ZDHHC17: variants seen among roughly 807,000 people sequenced by gnomAD.
ZDHHC17 encodes palmitoyltransferase ZDHHC17.
Under a neutral mutation model 90.3 loss-of-function variants are expected in ZDHHC17, and 40 were observed. The ratio of observed to expected loss-of-function variants is 0.44; its 90% CI spans 0.34 to 0.58. ZDHHC17 has a LOEUF of 0.58. Among genes scored for constraint, ZDHHC17 ranks in the 20% least tolerant of loss-of-function variants. ZDHHC17 has a pLI of 0.01. For missense variants in ZDHHC17, 614 were observed against 780.8 expected, an observed-to-expected ratio of 0.79 and a Z score of 2.55; for synonymous variants, 235 against 252.4, an observed-to-expected ratio of 0.93 and a Z score of 0.65.
intron 1 of ZDHHC17, among the ~76,000 whole-genome samples, chr12:76,796,974 T>G (rs1239400264): frequency 6.6e-6 from 1 of 151,938 alleles, no homozygotes; most frequent in Non-Finnish European, 1.5e-5. Context: ...CCCTAAAGAG[T>G]GTAGACTTGG....
At chr12:76,809,424 C>A (rs1041790512) in intron 4 of ZDHHC17, among the ~76,000 whole-genome samples, 1 of 151,892 alleles carries the variant, frequency 6.6e-6, no homozygotes, top group African/African-American at 2.4e-5. Flanking sequence ...TAGCTCATTT[C>A]TTGGGATGAT....
intron 8 of ZDHHC17, 65 bp from the exon 9 acceptor site, chr12:76,826,841 AAC>A (rs774889151): frequency 1.2e-5 from 18 of 1,440,816 alleles, no homozygotes; most frequent in Non-Finnish European, 1.5e-5. Context: ...TCACAAAGGT[AAC>A]AATGATTCAG....
At chr12:76,813,223 G>T in intron 5 of ZDHHC17, 1 of 300,404 alleles carries the variant, frequency 3.3e-6, no homozygotes, top group Non-Finnish European at 6.5e-6. Flanking sequence ...ACGGAAATTA[G>T]GAGTAAAAGA....
At chr12:76,801,274 G>T (rs1454377593) in intron 2 of ZDHHC17, among the ~76,000 whole-genome samples, 3 of 149,438 alleles carry the variant, frequency 2.0e-5, no homozygotes, top group Non-Finnish European at 3.0e-5. Flanking sequence ...TTCAATTTTT[G>T]TAGTGAAATG....
intron 3 of ZDHHC17, among the ~76,000 whole-genome samples, chr12:76,807,768 G>C (rs1952972180): frequency 1.3e-5 from 2 of 152,106 alleles, no homozygotes; most frequent in Non-Finnish European, 2.9e-5. Flanking sequence ...AGGAACAGTT[G>C]ACTATAGAGA....
At chr12:76,849,271 C>A in intron 15 of ZDHHC17, 105 bp from the exon 16 acceptor site, 2 of 567,036 alleles carry the variant, frequency 3.5e-6, no homozygotes, top group Non-Finnish European at 2.9e-6. Flanking sequence ...CAAGAGGGAG[C>A]TGAGAATTCG....
chr12:76,815,699 A>G (rs957318060), intron 6 of ZDHHC17, among the ~76,000 whole-genome samples, 158 bp from the exon 7 acceptor site: 1 of 151,910 alleles, frequency 6.6e-6, no homozygotes, highest in Non-Finnish European at 1.5e-5. Flanking sequence ...TCATATTAGA[A>G]TATTGTCTCA....
At chr12:76,846,519 A>G (rs1953496917) in intron 13 of ZDHHC17, 77 bp from the exon 14 acceptor site, 4 of 1,055,784 alleles carry the variant, frequency 3.8e-6, no homozygotes, top group Non-Finnish European at 5.7e-6. Context: ...CACACCTTTC[A>G]TGGCATACCC....
chr12:76,797,347 AAC>A, intron 1 of ZDHHC17, 85 bp from the exon 2 acceptor site: 2 of 815,940 alleles, frequency 2.5e-6, no homozygotes, highest in Non-Finnish European at 3.6e-6. Context: ...TTTCTCAAAC[AAC>A]ACAAAAGCAC....
intron 1 of ZDHHC17, among the ~76,000 whole-genome samples, chr12:76,797,058 A>T (rs971246401): frequency 4.0e-5 from 6 of 151,892 alleles, no homozygotes; most frequent in Non-Finnish European, 7.4e-5. Flanking sequence ...AGGTCAGGAG[A>T]TGGAGACCAT....
chr12:76,772,423 G>A (rs1292314889), intron 1 of ZDHHC17, among the ~76,000 whole-genome samples: 2 of 151,904 alleles, frequency 1.3e-5, no homozygotes, highest in Non-Finnish European at 2.9e-5. Context: ...CACTAGCGTG[G>A]TACACTTGTT....
intron 10 of ZDHHC17, 86 bp from the exon 11 acceptor site, chr12:76,841,896 G>A (rs1953439911): frequency 1.8e-6 from 2 of 1,089,186 alleles, no homozygotes; most frequent in Admixed American, 8.3e-5. Context: ...ACTGGTAGGT[G>A]TTTTGTAAAA....
intron 10 of ZDHHC17, among the ~76,000 whole-genome samples, chr12:76,837,274 T>G (rs1953377462): frequency 6.6e-6 from 1 of 152,138 alleles, no homozygotes; most frequent in African/African-American, 2.4e-5. Context: ...TAGCTAGGAT[T>G]ACAGGCATGT....
At chr12:76,813,458 C>CT (rs1555185081) in intron 5 of ZDHHC17, 3 of 357,108 alleles carry the variant, frequency 8.4e-6, no homozygotes, top group Non-Finnish European at 1.7e-5. Context: ...TGGTGAGTGA[C>CT]TAAGTTAATG....
chr12:76,806,909 A>C (rs1350398055), intron 3 of ZDHHC17, among the ~76,000 whole-genome samples: 1 of 152,260 alleles, frequency 6.6e-6, no homozygotes, highest in East Asian at 1.9e-4. Flanking sequence ...AGGTAAGAGA[A>C]TTCACCCTGA....
At chr12:76,787,491 CTA>C (rs1273881774) in intron 1 of ZDHHC17, among the ~76,000 whole-genome samples, 1 of 152,068 alleles carries the variant, frequency 6.6e-6, no homozygotes, top group East Asian at 1.9e-4. Flanking sequence ...AATACATTGA[CTA>C]TTAAAAAATG....
intron 1 of ZDHHC17, among the ~76,000 whole-genome samples, chr12:76,764,993 A>G (rs1337655543): frequency 6.6e-6 from 1 of 152,232 alleles, no homozygotes; most frequent in African/African-American, 2.4e-5. Flanking sequence ...TTCCCATCAC[A>G]ACATGAGTGT....
chr12:76,816,814 T>C (rs1424153447), intron 7 of ZDHHC17, among the ~76,000 whole-genome samples: 1 of 152,062 alleles, frequency 6.6e-6, no homozygotes, highest in Non-Finnish European at 1.5e-5. Context: ...GCATAATTTG[T>C]TAAGCTTATC....
chr12:76,821,147 CAA>C, intron 7 of ZDHHC17: 1 of 1,280,314 alleles, frequency 7.8e-7, no homozygotes, highest in Non-Finnish European at 1.0e-6. Flanking sequence ...AGTTGTTACC[CAA>C]GGGATTGCTT....
Sources: allele counts gnomAD v4.1 joint callset (sites outside exome capture counted in the v4.1 genomes callset), GRCh38; gene constraint gnomAD v4.1.1; transcripts MANE v1.5; gene names NCBI Gene and HGNC (gene_info 2026-07-23, HGNC 2026-07-21).